Variants in ZSCAN30 observed in about 807,000 individuals in gnomAD.
ZSCAN30 encodes zinc finger and SCAN domain-containing protein 30.
ZSCAN30 carries 37 observed loss-of-function variants against 44.3 expected under a neutral mutation model. That is an observed-to-expected ratio of 0.84 (90% CI 0.64 to 1.10). ZSCAN30 has a LOEUF of 1.10. Among genes scored for constraint, ZSCAN30 ranks in the 50% least tolerant of loss-of-function variants. ZSCAN30 has a pLI of 0.00. For missense variants in ZSCAN30, 549 were observed against 582.6 expected, an observed-to-expected ratio of 0.94 and a Z score of 0.59; for synonymous variants, 181 against 204.6, an observed-to-expected ratio of 0.88 and a Z score of 0.98.
chr18:35,276,544 C>A (rs2044370586), intron 1 of ZSCAN30, among the ~76,000 whole-genome samples: 1 of 152,126 alleles, frequency 6.6e-6, no homozygotes, highest in Non-Finnish European at 1.5e-5. Context: ...CTGAAAGGGG[C>A]CAACGTAAAG....
chr18:35,277,573 C>T (rs1384806150), intron 1 of ZSCAN30, among the ~76,000 whole-genome samples: 1 of 152,106 alleles, frequency 6.6e-6, no homozygotes, highest in Non-Finnish European at 1.5e-5. Flanking sequence ...TTCTTACCAC[C>T]ATGTGAAGAA....
intron 3 of ZSCAN30, chr18:35,261,284 A>G (rs914128935): frequency 6.6e-6 from 1 of 152,156 alleles, no homozygotes; most frequent in Non-Finnish European, 1.5e-5. Context: ...GGCAGGTGGC[A>G]TGATGCCTCC....
intron 1 of ZSCAN30, among the ~76,000 whole-genome samples, chr18:35,278,491 T>C (rs1309271330): frequency 2.0e-5 from 3 of 152,248 alleles, no homozygotes; most frequent in Admixed American, 6.5e-5. Flanking sequence ...GGATTCTCTA[T>C]GGATCCTTCC....
At chr18:35,279,347 G>C (rs1312746682) in intron 1 of ZSCAN30, among the ~76,000 whole-genome samples, 1 of 152,150 alleles carries the variant, frequency 6.6e-6, no homozygotes, top group Non-Finnish European at 1.5e-5. Flanking sequence ...TTGCCTTTTG[G>C]ATGCATTACT....
intron 1 of ZSCAN30, among the ~76,000 whole-genome samples, chr18:35,287,646 C>G (rs1183227501): frequency 6.7e-6 from 1 of 149,960 alleles, no homozygotes; most frequent in Non-Finnish European, 1.5e-5. Context: ...AAATTAATTC[C>G]AGATGGATCA....
At position 35,264,079 on chromosome 18, in the gene ZSCAN30, T is replaced by A. The variant is rs1470758468; in HGVS notation, c.274A>T (p.Met92Leu). Reference sequence around the variant, plus strand: ...AGGATGGCCAGGAACTGCTCCAACATCAGCAGCTCCAGGATCTGCTCCTTG... The same window carrying A: ...AGGATGGCCAGGAACTGCTCCAACAACAGCAGCTCCAGGATCTGCTCCTTG... Reference protein sequence around the residue: ...HSKEQILELLMLEQFLAILPE... With the variant: ...HSKEQILELLLLEQFLAILPE... The change falls in exon 2 of 4, where the codon ATG (methionine) becomes TTG (leucine). Residue 92 changes from methionine (M) to leucine (L), a missense_variant. Physicochemically the swap from Met to Leu is conservative, Grantham distance 15. Transcript: ENST00000333206. 1.2e-6 allele frequency: 2 copies of A among 1,614,042 alleles called. No homozygotes were observed. The highest frequency in any genetic ancestry group is 2.2e-5 in the East Asian group (1 of 44,882).
chr18:35,269,015 G>T, intron 1 of ZSCAN30: 1 of 152,296 alleles, frequency 6.6e-6, no homozygotes. Context: ...GAAAGTGGAG[G>T]GTGAGTGCAA....
chr18:35,279,931 G>A (rs1190891028), intron 1 of ZSCAN30, among the ~76,000 whole-genome samples: 1 of 152,072 alleles, frequency 6.6e-6, no homozygotes, highest in Non-Finnish European at 1.5e-5. Flanking sequence ...ATCTTTTGGG[G>A]GGATACAATT....
chr18:35,270,064 A>G (rs890729661), intron 1 of ZSCAN30: 1 of 152,120 alleles, frequency 6.6e-6, no homozygotes, highest in South Asian at 2.1e-4. Context: ...AAAATTAGCA[A>G]CTTCATCAAT....
chr18:35,254,299 C>T lies in ZSCAN30; in HGVS notation c.636G>A (p.Pro212=), dbSNP rs139857978. 40 of 1,614,066 alleles carry T rather than the reference C, an allele frequency of 2.5e-5. No homozygotes were observed. Among genetic ancestry groups the T allele is most frequent in the African/African-American group, 1.2e-4 (9 of 75,014 alleles). The part of the protein sequence containing the change: ...ECVASAAMIS[P]GKLPGETHSQ... Reference sequence around the variant, plus strand: ...AATGTGTTTCTCCAGGAAGTTTTCCCGGCGATATCATAGCTGCTGAGGCTA... The same window carrying T: ...AATGTGTTTCTCCAGGAAGTTTTCCTGGCGATATCATAGCTGCTGAGGCTA... Residue 212 remains proline, a synonymous_variant, in exon 4 of 4, where the codon CCG becomes CCA. Transcript: ENST00000333206.
chr18:35,257,832 T>C, intron 3 of ZSCAN30: 1 of 776,522 alleles, frequency 1.3e-6, no homozygotes, highest in Middle Eastern at 2.3e-4. Flanking sequence ...GCCCATGAAA[T>C]GCTCCAAGGA....
At chr18:35,264,726 GAGCA>G (rs1803679953) in intron 1 of ZSCAN30, among the ~76,000 whole-genome samples, 1 of 152,138 alleles carries the variant, frequency 6.6e-6, no homozygotes, top group African/African-American at 2.4e-5. Context: ...AGATTATAGA[GAGCA>G]AGAAAAGCAC....
intron 3 of ZSCAN30, chr18:35,260,777 T>A (rs2044008336): frequency 1.3e-5 from 2 of 152,192 alleles, no homozygotes; most frequent in South Asian, 2.1e-4. Flanking sequence ...ATGGATAGAT[T>A]GCAAAAATTT....
intron 1 of ZSCAN30, among the ~76,000 whole-genome samples, chr18:35,264,918 G>A (rs1484420073): frequency 5.3e-5 from 8 of 152,070 alleles, no homozygotes; most frequent in African/African-American, 1.2e-4. Context: ...AGGCCGAGGC[G>A]GGAGGATCAC....
intron 3 of ZSCAN30, among the ~76,000 whole-genome samples, chr18:35,254,791 T>C (rs2043738658): frequency 6.6e-6 from 1 of 152,198 alleles, no homozygotes; most frequent in Non-Finnish European, 1.5e-5. Context: ...GTCTTAAATC[T>C]GTGGTCTTCT....
chr18:35,270,910 C>T (rs1454086500), intron 1 of ZSCAN30, among the ~76,000 whole-genome samples: 2 of 152,204 alleles, frequency 1.3e-5, no homozygotes, highest in South Asian at 4.1e-4. Flanking sequence ...TTGCTGGCTT[C>T]AGGAGTGAAG....
At chr18:35,265,835 G>A (rs559367365) in intron 1 of ZSCAN30, among the ~76,000 whole-genome samples, 1 of 152,290 alleles carries the variant, frequency 6.6e-6, no homozygotes, top group Admixed American at 6.5e-5. Context: ...CAAGGACGGA[G>A]CGAAGTAGAC....
At chr18:35,269,306 TC>T (rs923510280) in intron 1 of ZSCAN30, 2 of 152,262 alleles carry the variant, frequency 1.3e-5, no homozygotes, top group African/African-American at 4.8e-5. Context: ...ACCAAGGCAT[TC>T]CCCCAGCAAG....
At chr18:35,260,598 T>C (rs903884186) in intron 3 of ZSCAN30, 1 of 152,238 alleles carries the variant, frequency 6.6e-6, no homozygotes, top group Non-Finnish European at 1.5e-5. Context: ...TGATTTGCAT[T>C]TCTCTAATGA....
Sources: gnomAD v4.1 joint callset for allele counts (sites outside exome capture counted in the v4.1 genomes callset) on GRCh38, gnomAD v4.1.1 for gene constraint, MANE v1.5 for transcripts, NCBI Gene and HGNC (gene_info 2026-07-23, HGNC 2026-07-21) for gene names.